OSBPL10: variants seen among roughly 807,000 people sequenced by gnomAD.
The protein encoded by OSBPL10 is oxysterol binding protein like 10, also known as oxysterol-binding protein-related protein 10.
A neutral mutation model predicts 81.7 loss-of-function variants in OSBPL10; 49 were observed. The ratio of observed to expected loss-of-function variants is 0.60; its 90% CI spans 0.48 to 0.76. OSBPL10 has a LOEUF of 0.76. Ranked by LOEUF, OSBPL10 falls within the 30% of genes least tolerant of loss-of-function variation. The pLI is 0.00. For synonymous variants in OSBPL10, 419 were observed against 383.6 expected (o/e 1.09, Z -1.08); for missense variants, 923 against 987.8 (o/e 0.93, Z 0.88).
intron 2 of OSBPL10, among the ~76,000 whole-genome samples, chr3:32,043,566 A>G (rs1191852968): frequency 6.6e-6 from 1 of 152,150 alleles, no homozygotes; most frequent in East Asian, 1.9e-4. Context: ...TGTCCATGAA[A>G]TCTTCATAAT....
At chr3:31,794,525 A>G in intron 4 of OSBPL10, 1 of 326,366 alleles carries the variant, frequency 3.1e-6, no homozygotes, top group Non-Finnish European at 6.1e-6. Flanking sequence ...ACCCTTGCAG[A>G]CATGGCTGTG....
chr3:32,001,023 G>A lies in OSBPL10; in HGVS notation n.298+45468C>T, dbSNP rs116338471. ...GCCATGTTCCTGGCTGTGTGGACAA[G>A]GTCAATGTGCTAGGACAGAGAATCA... On this transcript the variant is annotated intron_variant and non_coding_transcript_variant, in intron 2 of 3. Transcript: ENST00000479173. Among the ~76,000 whole-genome samples, 1,001 of 152,292 alleles carry A rather than the reference G, an allele frequency of 6.6e-3. 6 individuals are homozygous for A. The highest frequency in any genetic ancestry group is 0.023 in the African/African-American group (951 of 41,550).
intron 1 of OSBPL10, among the ~76,000 whole-genome samples, chr3:32,058,270 C>G (rs938682020): frequency 6.6e-6 from 1 of 152,126 alleles, no homozygotes; most frequent in Non-Finnish European, 1.5e-5. Flanking sequence ...AAAATGTTAT[C>G]AATTATAGAA....
chr3:31,740,510 G>A (rs1431493059), intron 5 of OSBPL10, among the ~76,000 whole-genome samples: 3 of 152,118 alleles, frequency 2.0e-5, no homozygotes, highest in African/African-American at 7.2e-5. Flanking sequence ...GAATAGAGGG[G>A]CAGAGGAAGT....
intron 1 of OSBPL10, among the ~76,000 whole-genome samples, chr3:32,047,222 T>C (rs1327819579): frequency 6.6e-6 from 1 of 151,906 alleles, no homozygotes; most frequent in African/African-American, 2.4e-5. Context: ...AGCTATCCAC[T>C]CTCCTCAGCC....
intron 3 of OSBPL10, among the ~76,000 whole-genome samples, chr3:31,870,250 G>T (rs1221089232): frequency 1.3e-5 from 2 of 152,242 alleles, no homozygotes; most frequent in East Asian, 3.9e-4. Context: ...GCAGTGAGGG[G>T]CTTAGCACCT....
At chr3:31,726,178 T>G (rs1383911037) in intron 6 of OSBPL10, among the ~76,000 whole-genome samples, 1 of 151,878 alleles carries the variant, frequency 6.6e-6, no homozygotes, top group Non-Finnish European at 1.5e-5. Flanking sequence ...CCGGGGAGGG[T>G]GACTCATGAA....
At chr3:32,047,230 G>C (rs1239114720) in intron 1 of OSBPL10, among the ~76,000 whole-genome samples, 1 of 152,060 alleles carries the variant, frequency 6.6e-6, no homozygotes, top group African/African-American at 2.4e-5. Flanking sequence ...ACTCTCCTCA[G>C]CCTCCCAAAA....
chr3:31,859,480 A>C (rs890549158), intron 3 of OSBPL10, among the ~76,000 whole-genome samples: 1 of 152,222 alleles, frequency 6.6e-6, no homozygotes, highest in Non-Finnish European at 1.5e-5. Flanking sequence ...CAATGTGTAC[A>C]TGGCCTCCAG....
chr3:31,807,120 C>T (rs1391369550), intron 4 of OSBPL10, among the ~76,000 whole-genome samples: 2 of 152,182 alleles, frequency 1.3e-5, no homozygotes, highest in African/African-American at 4.8e-5. Context: ...TGGCTCACGC[C>T]TATAATCCCA....
chr3:31,761,821 A>AAAAAAAAAAAAAAAAAC (rs1553622722), intron 4 of OSBPL10, among the ~76,000 whole-genome samples: 2 of 138,024 alleles, frequency 1.4e-5, no homozygotes, highest in African/African-American at 6.8e-5. Context: ...TCTAAAAAAA[A>AAAAAAAAAAAAAAAAAC]AAAAAAAAAA....
At chr3:32,008,760 G>GAA (rs11328847) in intron 2 of OSBPL10, among the ~76,000 whole-genome samples, 5 of 114,522 alleles carry the variant, frequency 4.4e-5, no homozygotes, top group Non-Finnish European at 7.3e-5. Context: ...ATCCTGACTG[G>GAA]AAAAAAAAAA....
At position 31,924,217 on chromosome 3, in the gene OSBPL10, T is replaced by TAA. The variant is rs34813837; in HGVS notation, c.282-44389_282-44388dup. 3.9e-3 allele frequency among the ~76,000 whole-genome samples: 503 copies of TAA among 129,098 alleles called. 5 individuals are homozygous for TAA. The highest frequency in any genetic ancestry group is 0.012 in the African/African-American group (423 of 34,822). 84.7% of individuals were successfully genotyped at this position (129,098 alleles called of 152,430 possible). A position where few individuals can be genotyped will look rare whatever the true frequency, so the allele number is the denominator to read the frequency against. The stretch of plus-strand genomic sequence containing the variant: ...CCAGGTGACAGTGCAAGACTTCATC[T>TAA]AAAAAAAAAAAAGAAAGAAAGAAAA... On this transcript the variant is annotated intron_variant, in intron 1 of 11. Coordinates refer to ENST00000396556, the MANE Select transcript of OSBPL10 (RefSeq NM_017784.5).
intron 1 of OSBPL10, among the ~76,000 whole-genome samples, chr3:31,963,686 A>G (rs1029159049): frequency 2.0e-5 from 3 of 152,178 alleles, no homozygotes; most frequent in Non-Finnish European, 4.4e-5. Context: ...TACTTAATGA[A>G]GCTCCCTAAC....
Position 31,971,635 on chromosome 3 carries a change from A to G in OSBPL10, c.281+9264T>C, listed in dbSNP as rs970224088. 2.6e-5 allele frequency among the ~76,000 whole-genome samples: 4 copies of G among 152,334 alleles called. No individual in the cohort carries two copies. In the East Asian group the frequency reaches 7.7e-4, roughly 29 times the overall value. On this transcript the variant is annotated intron_variant, in intron 1 of 11. Transcript: ENST00000396556. ...ATTTAAAAACAGGCTACTGGACCTC[A>G]GAAACTACACTCTTAGCCCCAACAC...
At chr3:31,819,715 G>A (rs549158031) in intron 4 of OSBPL10, among the ~76,000 whole-genome samples, 6 of 152,328 alleles carry the variant, frequency 3.9e-5, no homozygotes, top group African/African-American at 1.2e-4. Flanking sequence ...CACTTCACAC[G>A]CGTGTGACTT....
In OSBPL10 at chr3:31,668,678, ATCT is replaced by A. The variant is rs1700254418; in HGVS notation, c.2057_2059del (p.Lys686del). On this transcript the variant is annotated inframe_deletion, in exon 10 of 12. Coordinates refer to ENST00000396556, the MANE Select transcript of OSBPL10 (RefSeq NM_017784.5). ...GGGTCCCTGCTTCTCAAGAGGTCTG[ATCT>A]TCTTGGGATACACTGGCAGTGTGGT... 1 of 1,613,984 alleles carries A rather than the reference ATCT, an allele frequency of 6.2e-7. No homozygotes were observed. Among genetic ancestry groups the A allele is most frequent in the East Asian group, 2.2e-5 (1 of 44,886 alleles).
rs78883248 is a variant in OSBPL10 at position 31,801,051 on chromosome 3, G to A, written c.729+28989C>T. Among the ~76,000 whole-genome samples the A allele has an allele frequency of 4.5e-3, 691 of 151,958 alleles. 9 individuals are homozygous for A. Among genetic ancestry groups the A allele is most frequent in the African/African-American group, 0.015 (611 of 41,436 alleles). Reference sequence around the variant, plus strand: ...GATAAGGCTACTGACATCACCATAGGTTCTCCAACAGAGGGACGGGGAGAC... The same window carrying A: ...GATAAGGCTACTGACATCACCATAGATTCTCCAACAGAGGGACGGGGAGAC... On this transcript the variant is annotated intron_variant, in intron 4 of 11. Coordinates refer to ENST00000396556, the MANE Select transcript of OSBPL10 (RefSeq NM_017784.5).
chr3:31,841,005 T>C (rs1225615665), intron 3 of OSBPL10, among the ~76,000 whole-genome samples: 3 of 152,154 alleles, frequency 2.0e-5, no homozygotes, highest in Non-Finnish European at 2.9e-5. Context: ...GCCTCCTAGG[T>C]TCAAGCGATT....
Sources: gnomAD v4.1 joint callset for allele counts (sites outside exome capture counted in the v4.1 genomes callset) on GRCh38, gnomAD v4.1.1 for gene constraint, MANE v1.5 for transcripts, NCBI Gene and HGNC (gene_info 2026-07-23, HGNC 2026-07-21) for gene names.